Variants in FARSB observed in about 807,000 individuals in gnomAD.
The protein encoded by FARSB is phenylalanine--tRNA ligase beta subunit.
Under a neutral mutation model 69.6 loss-of-function variants are expected in FARSB, and 40 were observed. The ratio of observed to expected loss-of-function variants is 0.57; its 90% CI spans 0.45 to 0.75. FARSB has a LOEUF of 0.75. Among genes scored for constraint, FARSB ranks in the 30% least tolerant of loss-of-function variants. FARSB has a pLI of 0.00. For synonymous variants in FARSB, 235 were observed against 247.2 expected (o/e 0.95, Z 0.46); for missense variants, 632 against 722.9 (o/e 0.87, Z 1.44).
At position 222,570,676 on chromosome 2, in the gene FARSB, C is replaced by G. The variant is rs984676993; in HGVS notation, c.*1195G>C. The G allele has an allele frequency of 4.6e-5, 7 of 152,040 alleles. No homozygotes were observed. The highest frequency in any genetic ancestry group is 1.7e-4 in the African/African-American group (7 of 41,368). The allele number at this position is 152,040 out of a possible 1,614,324, so 9.4% of individuals were successfully genotyped here. ...TAGCTGGGACTGCAGGCCCACACCACCATGCCTGGCTAATTTTTATATTTT... is the reference window on the plus strand; with the variant it reads ...TAGCTGGGACTGCAGGCCCACACCAGCATGCCTGGCTAATTTTTATATTTT... On this transcript the variant is annotated 3_prime_UTR_variant, in exon 17 of 17. Coordinates refer to ENST00000281828, the MANE Select transcript of FARSB (RefSeq NM_005687.5).
At chr2:222,626,230 C>T (rs1486494426) in intron 10 of FARSB, among the ~76,000 whole-genome samples, 5 of 115,722 alleles carry the variant, frequency 4.3e-5, no homozygotes, top group Admixed American at 1.2e-4. Context: ...GGTAACAGAG[C>T]GAGACTCCAT....
At chr2:222,573,996 T>A (rs564775215) in intron 16 of FARSB, among the ~76,000 whole-genome samples, 1 of 152,348 alleles carries the variant, frequency 6.6e-6, no homozygotes, top group Non-Finnish European at 1.5e-5. Flanking sequence ...CATCCTTTCA[T>A]CTATCTTCAA....
At chr2:222,590,498 A>G (rs1384050407) in intron 16 of FARSB, among the ~76,000 whole-genome samples, 1 of 149,816 alleles carries the variant, frequency 6.7e-6, no homozygotes, top group Non-Finnish European at 1.5e-5. Flanking sequence ...TATGTACCCT[A>G]GAACTTAACA....
At chr2:222,621,358 G>A (rs1309241023) in intron 13 of FARSB, among the ~76,000 whole-genome samples, 3 of 152,056 alleles carry the variant, frequency 2.0e-5, no homozygotes, top group African/African-American at 2.4e-5. Flanking sequence ...GTGCAATCTC[G>A]GCTTGCTGCA....
intron 16 of FARSB, among the ~76,000 whole-genome samples, chr2:222,578,789 C>A (rs1484437423): frequency 1.3e-5 from 2 of 151,710 alleles, no homozygotes; most frequent in Non-Finnish European, 2.9e-5. Flanking sequence ...ACCATCCTGG[C>A]TAACATGGTG....
chr2:222,647,059 TC>T (rs1169914068), intron 2 of FARSB, among the ~76,000 whole-genome samples: 1 of 152,224 alleles, frequency 6.6e-6, no homozygotes, highest in African/African-American at 2.4e-5. Context: ...TCCTGCCTCT[TC>T]CTCTTGCTTC....
At chr2:222,645,189 G>GC (rs1691817427) in intron 2 of FARSB, among the ~76,000 whole-genome samples, 1 of 152,132 alleles carries the variant, frequency 6.6e-6, no homozygotes, top group African/African-American at 2.4e-5. Context: ...ATGAAAAGGA[G>GC]GCCCAGAGAG....
At chr2:222,628,707 G>A (rs764292171) in intron 10 of FARSB, 130 bp downstream of exon 10, 3 of 608,200 alleles carry the variant, frequency 4.9e-6, no homozygotes, top group African/African-American at 1.9e-5. Context: ...TCCATGTAAT[G>A]CACATAGTGT....
At chr2:222,649,234 TAAA>T (rs71961708) in intron 1 of FARSB, among the ~76,000 whole-genome samples, 69 of 88,304 alleles carry the variant, frequency 7.8e-4, no homozygotes, top group Admixed American at 1.9e-3. Context: ...CTCAAAAAAT[TAAA>T]AAAAAAAAAA....
chr2:222,647,966 T>C (rs778345455), intron 2 of FARSB, among the ~76,000 whole-genome samples: 109 of 152,134 alleles, frequency 7.2e-4, no homozygotes, highest in Non-Finnish European at 3.1e-4. Flanking sequence ...TCAGTAGGGC[T>C]GGTTTTTTCC....
chr2:222,628,194 C>T (rs1259202548), intron 10 of FARSB, among the ~76,000 whole-genome samples: 1 of 152,176 alleles, frequency 6.6e-6, no homozygotes, highest in Non-Finnish European at 1.5e-5. Context: ...AGGAGTGAGA[C>T]TATAAATTAC....
At chr2:222,594,318 AT>A (rs1690356931) in intron 16 of FARSB, among the ~76,000 whole-genome samples, 2 of 152,080 alleles carry the variant, frequency 1.3e-5, no homozygotes, top group South Asian at 4.1e-4. Context: ...CTATTACTAT[AT>A]GTATACATTG....
chr2:222,606,093 C>A (rs185987558), intron 15 of FARSB, among the ~76,000 whole-genome samples: 5 of 151,994 alleles, frequency 3.3e-5, no homozygotes, highest in African/African-American at 1.2e-4. Context: ...GTATTAAGCC[C>A]ACCGTAATAA....
intron 14 of FARSB, among the ~76,000 whole-genome samples, chr2:222,617,703 G>T (rs939218266): frequency 8.5e-5 from 13 of 152,262 alleles, no homozygotes; most frequent in South Asian, 6.2e-4. Flanking sequence ...GTCCAACATG[G>T]TAAAACCCCA....
intron 15 of FARSB, among the ~76,000 whole-genome samples, chr2:222,609,274 A>T (rs1173186592): frequency 6.6e-6 from 1 of 152,248 alleles, no homozygotes; most frequent in Non-Finnish European, 1.5e-5. Context: ...TTAAGAATTC[A>T]CAATTAGGTC....
At position 222,572,039 on chromosome 2, in the gene FARSB, A is replaced by C. The variant is rs1241749349; in HGVS notation, c.1619-17T>G. The C allele has an allele frequency of 6.2e-7, 1 of 1,604,616 alleles. No homozygotes were observed. The highest frequency in any genetic ancestry group is 8.5e-7 in the Non-Finnish European group (1 of 1,177,396). On this transcript the variant is annotated splice_polypyrimidine_tract_variant and intron_variant, in intron 16 of 16. Coordinates refer to ENST00000281828, the MANE Select transcript of FARSB (RefSeq NM_005687.5). ...AAGCAGGCCCTGAAAAAGAGAAAGT[A>C]AGAGAAAAATCAATGTTTCTTCTGG...
chr2:222,618,252 TATAG>T (rs1691047720), intron 14 of FARSB, among the ~76,000 whole-genome samples: 1 of 152,342 alleles, frequency 6.6e-6, no homozygotes, highest in Admixed American at 6.5e-5. Flanking sequence ...CAGGTGGTTC[TATAG>T]ATAAACTTTA....
At chr2:222,601,667 C>A (rs1427897086) in intron 15 of FARSB, among the ~76,000 whole-genome samples, 3 of 151,998 alleles carry the variant, frequency 2.0e-5, no homozygotes, top group Non-Finnish European at 4.4e-5. Context: ...CATTTTATTT[C>A]ACTTTATTTT....
chr2:222,642,149 C>T (rs148702267), intron 3 of FARSB, among the ~76,000 whole-genome samples: 1,933 of 152,122 alleles, frequency 0.013, 18 homozygotes, highest in Non-Finnish European at 0.019. Context: ...TACAGGTGCA[C>T]GCCACTATGC....
Sources: gnomAD v4.1 joint callset for allele counts (sites outside exome capture counted in the v4.1 genomes callset) on GRCh38, gnomAD v4.1.1 for gene constraint, MANE v1.5 for transcripts, NCBI Gene and HGNC (gene_info 2026-07-23, HGNC 2026-07-21) for gene names.